Variants in CAPN1 observed in about 807,000 individuals in gnomAD.
CAPN1 encodes calpain 1.
Under a neutral mutation model 105.2 loss-of-function variants are expected in CAPN1, and 77 were observed. The ratio of observed to expected loss-of-function variants is 0.73; its 90% CI spans 0.61 to 0.88. CAPN1 has a LOEUF of 0.88. Ranked by LOEUF, CAPN1 falls within the 40% of genes least tolerant of loss-of-function variation. CAPN1 has a pLI of 0.00. For synonymous variants in CAPN1, 355 were observed against 388.8 expected, an observed-to-expected ratio of 0.91 and a Z score of 1.02; for missense variants, 833 against 976.6, an observed-to-expected ratio of 0.85 and a Z score of 1.96.
chr11:65,191,731 T>C (rs909007255), intron 10 of CAPN1, among the ~76,000 whole-genome samples: 1 of 152,222 alleles, frequency 6.6e-6, no homozygotes, highest in African/African-American at 2.4e-5. Context: ...AGATTGTTTC[T>C]TCTTTTCTAA....
At chr11:65,190,298 A>G (rs77725975) in intron 10 of CAPN1, among the ~76,000 whole-genome samples, 4,676 of 152,154 alleles carry the variant, frequency 0.031, 86 homozygotes, top group Non-Finnish European at 0.044. Flanking sequence ...CATCCCTACC[A>G]TGCTGCTAAA....
intron 4 of CAPN1, among the ~76,000 whole-genome samples, chr11:65,184,111 A>G (rs1026261666): frequency 2.0e-5 from 3 of 152,184 alleles, no homozygotes; most frequent in Middle Eastern, 3.4e-3. Flanking sequence ...TCAATTCTCA[A>G]TGAGCTGCCT....
intron 7 of CAPN1, 181 bp downstream of exon 7, chr11:65,187,479 C>T: frequency 1.7e-6 from 1 of 603,508 alleles, no homozygotes; most frequent in South Asian, 2.0e-5. Context: ...CCCTGACTGA[C>T]TGTAGTTCAT....
rs1253469265 is a variant in CAPN1 at position 65,208,218 on chromosome 11, G to T, written c.1685G>T (p.Ser562Ile). 1 of 1,579,706 alleles carries T rather than the reference G, an allele frequency of 6.3e-7. No homozygotes were observed. The highest frequency in any genetic ancestry group is 1.3e-5 in the African/African-American group (1 of 74,280). The change falls in exon 16 of 22, where the codon AGC becomes ATC. Residue 562 changes from serine to isoleucine, a missense_variant. Coordinates refer to ENST00000279247, the MANE Select transcript of CAPN1 (RefSeq NM_005186.4). This position sits in a 1 kb window ranked among gnomAD's most constrained non-coding sequence, Gnocchi z 4.1. ...CTCTCTCCCCAGGACATGGAGATCA[G>T]CGTGAAGGAGTTGCGGACAATCCTC... ...RQLAGEDMEI[S>I]VKELRTILNR...
intron 10 of CAPN1, among the ~76,000 whole-genome samples, chr11:65,194,447 C>T (rs1264437928): frequency 6.6e-6 from 1 of 152,170 alleles, no homozygotes; most frequent in Non-Finnish European, 1.5e-5. Flanking sequence ...ATAATTCACA[C>T]ACCAGAAAAT....
Position 65,200,335 on chromosome 11 carries a change from C to G in CAPN1, c.1166-4348C>G, listed in dbSNP as rs529637260. On this transcript the variant is annotated intron_variant, in intron 10 of 21. Transcript: ENST00000279247. ...GGATTACAGGCGTGAGTCTGAGTCA[C>G]CATACCCAGCTTTGTTCTTTTTTTT... Among the ~76,000 whole-genome samples the G allele has an allele frequency of 1.2e-4, 18 of 152,162 alleles. No individual in the cohort carries two copies. In the South Asian group the frequency reaches 3.7e-3, roughly 32 times the overall value.
In CAPN1 at chr11:65,210,593, T is replaced by TGG; in HGVS notation, c.2059+146_2059+147dup. 1 of 711,408 alleles carries TGG rather than the reference T, an allele frequency of 1.4e-6. No individual in the cohort carries two copies. The highest frequency in any genetic ancestry group is 2.5e-6 in the Non-Finnish European group (1 of 405,994). The allele number at this position is 711,408 out of a possible 1,614,324, so 44.1% of individuals were successfully genotyped here. A position where few individuals can be genotyped will look rare whatever the true frequency, so the allele number is the denominator to read the frequency against. ...TGCCAGAGAGGCCTGGGTCTGGGTTTGGGGGGCCCTGGCTGAGTGCCAGGA... is the reference window on the plus strand; with the variant it reads ...TGCCAGAGAGGCCTGGGTCTGGGTTTGGGGGGGGCCCTGGCTGAGTGCCAGGA... On this transcript the variant is annotated intron_variant, in intron 20 of 21. Coordinates refer to ENST00000279247, the MANE Select transcript of CAPN1 (RefSeq NM_005186.4). The surrounding 1 kb of genome is among the most constrained non-coding windows in gnomAD (Gnocchi z 4.3).
At chr11:65,187,702 C>G (rs1170678101) in intron 7 of CAPN1, 1 of 455,510 alleles carries the variant, frequency 2.2e-6, no homozygotes, top group Non-Finnish European at 4.0e-6. Context: ...GCCTGGCCAA[C>G]ATGGTGAAAC....
At chr11:65,185,128 G>A (rs1948613417) in intron 4 of CAPN1, among the ~76,000 whole-genome samples, 2 of 152,026 alleles carry the variant, frequency 1.3e-5, no homozygotes, top group African/African-American at 4.8e-5. Context: ...AGGTTAGTAG[G>A]AGAAATGGCA....
Position 65,211,515 on chromosome 11 carries a change from G to T in CAPN1, c.*229G>T, listed in dbSNP as rs370900801. The T allele has an allele frequency of 1.7e-6, 1 of 587,592 alleles. No individual in the cohort carries two copies. The highest frequency in any genetic ancestry group is 3.1e-6 in the Non-Finnish European group (1 of 326,998). 36.4% of individuals were successfully genotyped at this position (587,592 alleles called of 1,614,324 possible). A position where few individuals can be genotyped will look rare whatever the true frequency, so the allele number is the denominator to read the frequency against. ...CATGGGCTCGGGATGGACTCCCTGGGCCCCACCCATTGCCAAGCCAGGAAG... is the reference window on the plus strand; with the variant it reads ...CATGGGCTCGGGATGGACTCCCTGGTCCCCACCCATTGCCAAGCCAGGAAG... On this transcript the variant is annotated 3_prime_UTR_variant, in exon 22 of 22. Coordinates refer to ENST00000279247, the MANE Select transcript of CAPN1 (RefSeq NM_005186.4).
chr11:65,201,556 C>A (rs999881390), intron 10 of CAPN1, among the ~76,000 whole-genome samples: 1 of 152,034 alleles, frequency 6.6e-6, no homozygotes, highest in African/African-American at 2.4e-5. Flanking sequence ...CTCGCTCTGT[C>A]GCCCAGGCTT....
intron 10 of CAPN1, among the ~76,000 whole-genome samples, chr11:65,204,167 C>A (rs1157364066): frequency 6.6e-6 from 1 of 152,172 alleles, no homozygotes; most frequent in East Asian, 1.9e-4. Context: ...CATGCCTCCT[C>A]GCTGCAAGCT....
rs1948965221 is a variant in CAPN1, at chr11:65,206,668, G to A, written c.1559G>A (p.Gly520Glu). Residue 520 changes from glycine to glutamate, a missense_variant, in exon 13 of 22, where the codon GGG becomes GAG. Transcript: ENST00000279247. ...CGCTTCTTCTCAGAGAAGAGTGCTG[G>A]GACTGTGTGAGTCATGGACTGGCCC... Reference protein sequence around the residue: ...VLRFFSEKSAGTVELDDQIQA... With the variant: ...VLRFFSEKSAETVELDDQIQA... 2 of 1,613,178 alleles carry A rather than the reference G, an allele frequency of 1.2e-6. No homozygotes were observed. Among genetic ancestry groups the A allele is most frequent in the Non-Finnish European group, 1.7e-6 (2 of 1,179,770 alleles).
intron 4 of CAPN1, among the ~76,000 whole-genome samples, chr11:65,184,885 C>T (rs890288940): frequency 1.6e-4 from 25 of 152,166 alleles, no homozygotes; most frequent in Non-Finnish European, 2.6e-4. Context: ...GAAGGCACCG[C>T]TGCTCCTTTT....
chr11:65,186,405 TA>T, intron 6 of CAPN1, 67 bp downstream of exon 6: 1 of 1,425,882 alleles, frequency 7.0e-7, no homozygotes, highest in Non-Finnish European at 9.5e-7. Flanking sequence ...TCACATTTTC[TA>T]AAATCCCCAC....
rs1021170940 is a variant in CAPN1, at chr11:65,209,871, G to C, written c.1817G>C (p.Gly606Ala). Residue 606 changes from glycine (G) to alanine (A), a missense_variant, in exon 18 of 22, where the codon GGC becomes GCC. Transcript: ENST00000279247. The surrounding 1 kb of genome is among the most constrained non-coding windows in gnomAD (Gnocchi z 4.1). ...CAGCGTGATGGCAATGGGAAGCTGGGCCTGGTGGAGTTCAACATCCTGTGG... is the reference window on the plus strand; with the variant it reads ...CAGCGTGATGGCAATGGGAAGCTGGCCCTGGTGGAGTTCAACATCCTGTGG... ...LMDRDGNGKL[G>A]LVEFNILWNR... is the part of the protein sequence containing the mutation. 6.2e-6 allele frequency: 10 copies of C among 1,613,656 alleles called. No homozygotes were observed. The highest frequency in any genetic ancestry group is 8.5e-6 in the Non-Finnish European group (10 of 1,179,876).
In CAPN1 at chr11:65,188,029, C is replaced by G; in HGVS notation, c.918C>G (p.Ala306=). Residue 306 remains alanine (A), a synonymous_variant, in exon 8 of 22, where the codon GCC becomes GCG. Coordinates refer to ENST00000279247, the MANE Select transcript of CAPN1 (RefSeq NM_005186.4). This position sits in a 1 kb window ranked among gnomAD's most constrained non-coding sequence, Gnocchi z 5.5. ...NPWGEVEWTG[A]WSDSSSEWNN... is the part of the protein sequence containing the mutation. ...GGGGCGAGGTGGAGTGGACGGGAGC[C>G]TGGAGCGACAGGTGAGGGGCAGTGG... 6.4e-7 allele frequency: 1 copy of G among 1,559,462 alleles called. No homozygotes were observed. The highest frequency in any genetic ancestry group is 8.7e-7 in the Non-Finnish European group (1 of 1,151,862).
Position 65,211,769 on chromosome 11 carries a change from G to C in CAPN1, c.*483G>C, listed in dbSNP as rs1166718893. 3.6e-5 allele frequency: 6 copies of C among 166,962 alleles called. No individual in the cohort carries two copies. Among genetic ancestry groups the C allele is most frequent in the Non-Finnish European group, 7.8e-5 (6 of 76,450 alleles). 10.3% of individuals were successfully genotyped at this position (166,962 alleles called of 1,614,324 possible). A position where few individuals can be genotyped will look rare whatever the true frequency, so the allele number is the denominator to read the frequency against. ...GGGAACGCCTGTGCCTTCCTGCGCC[G>C]AAGCCAACGCCCCCTCTGTCCTTCC... On this transcript the variant is annotated 3_prime_UTR_variant, in exon 22 of 22. Transcript: ENST00000279247.
At chr11:65,190,981 A>G (rs1345562187) in intron 10 of CAPN1, among the ~76,000 whole-genome samples, 2 of 152,188 alleles carry the variant, frequency 1.3e-5, no homozygotes, top group Admixed American at 1.3e-4. Flanking sequence ...CTGGGATTAC[A>G]GGCGTGAGCC....
Sources: allele counts gnomAD v4.1 joint callset (sites outside exome capture counted in the v4.1 genomes callset), GRCh38; gene constraint gnomAD v4.1.1; non-coding constraint Gnocchi (gnomAD v3.1); transcripts MANE v1.5; gene names NCBI Gene and HGNC (gene_info 2026-07-23, HGNC 2026-07-21).